RTN1: variants seen among roughly 807,000 people sequenced by gnomAD.
The protein encoded by RTN1 is reticulon 1.
In RTN1, 25 loss-of-function variants were observed where a neutral mutation model predicts 65.5. That is an observed-to-expected ratio of 0.38 (90% CI 0.28 to 0.53). RTN1 has a LOEUF of 0.53. RTN1 is among the 20% of genes least tolerant of loss of function. The pLI is 0.79. For missense variants in RTN1, 983 were observed against 1,025.4 expected, an observed-to-expected ratio of 0.96 and a Z score of 0.57; for synonymous variants, 471 against 447.6, an observed-to-expected ratio of 1.05 and a Z score of -0.66.
rs534636343 is a variant in RTN1 at position 59,616,709 on chromosome 14, G to T, written c.1766-9217C>A. Among the ~76,000 whole-genome samples, 17 of 152,296 alleles carry T rather than the reference G, an allele frequency of 1.1e-4. No homozygotes were observed. In the East Asian group the frequency reaches 1.9e-3, roughly 17 times the overall value. On this transcript the variant is annotated intron_variant, in intron 3 of 8. Coordinates refer to ENST00000267484, the MANE Select transcript of RTN1 (RefSeq NM_021136.3). ...TGGCTATAGCCTTTTGTCATCCACA[G>T]ACATTTTGTCTTGCTTTGGTCCTTT...
intron 1 of RTN1, among the ~76,000 whole-genome samples, chr14:59,837,919 T>C (rs977201778): frequency 6.6e-5 from 10 of 152,050 alleles, no homozygotes; most frequent in Admixed American, 3.9e-4. Context: ...TTGCCTTGAT[T>C]TGGGGGGTTT....
chr14:59,802,133 A>G (rs956634710), intron 1 of RTN1, among the ~76,000 whole-genome samples: 1 of 152,198 alleles, frequency 6.6e-6, no homozygotes, highest in Non-Finnish European at 1.5e-5. Flanking sequence ...GTGTAAAATG[A>G]GCTAATTTTT....
At chr14:59,775,939 C>T (rs2139567301) in intron 1 of RTN1, among the ~76,000 whole-genome samples, 1 of 152,150 alleles carries the variant, frequency 6.6e-6, no homozygotes, top group South Asian at 2.1e-4. Flanking sequence ...TTAAGGGCAG[C>T]AGAGATCAAT....
chr14:59,763,858 G>C (rs987511609), intron 1 of RTN1, among the ~76,000 whole-genome samples: 12 of 152,034 alleles, frequency 7.9e-5, no homozygotes, highest in African/African-American at 2.9e-4. Context: ...TTAATCAACT[G>C]TACATTCTAA....
chr14:59,672,804 C>T lies in RTN1; in HGVS notation c.1765+54115G>A, dbSNP rs564881870. On this transcript the variant is annotated intron_variant, in intron 3 of 8. Transcript: ENST00000267484. ...TACAGGCGCCCGCCACCGCGCCTGG[C>T]TAATTTTTTGTATTTTTAGTAGAGA... Among the ~76,000 whole-genome samples the T allele has an allele frequency of 6.6e-3, 991 of 149,840 alleles. 16 individuals carry two copies. Among genetic ancestry groups the T allele is most frequent in the African/African-American group, 0.022 (890 of 40,740 alleles).
chr14:59,672,831 G>A (rs1234569954), intron 3 of RTN1, among the ~76,000 whole-genome samples: 7 of 149,648 alleles, frequency 4.7e-5, no homozygotes, highest in Admixed American at 1.3e-4. Context: ...TAGTAGAGAC[G>A]GGGTTTCACC....
intron 3 of RTN1, among the ~76,000 whole-genome samples, chr14:59,687,480 C>T (rs559641013): frequency 3.3e-5 from 5 of 150,772 alleles, no homozygotes; most frequent in Non-Finnish European, 5.9e-5. Context: ...AGCACCTGCT[C>T]CCAAAGACTA....
chr14:59,715,900 T>G (rs1566695985), intron 3 of RTN1, among the ~76,000 whole-genome samples: 1 of 152,082 alleles, frequency 6.6e-6, no homozygotes, highest in Non-Finnish European at 1.5e-5. Flanking sequence ...AATTAGACTA[T>G]TTTACTTATA....
chr14:59,726,779 C>T (rs1884770047), intron 3 of RTN1, 140 bp downstream of exon 3: 3 of 729,636 alleles, frequency 4.1e-6, no homozygotes, highest in Non-Finnish European at 6.7e-6. Context: ...CTCCTCCCAT[C>T]CCCCCTGGAA....
chr14:59,726,571 G>C (rs2139476785), intron 3 of RTN1, among the ~76,000 whole-genome samples: 1 of 152,290 alleles, frequency 6.6e-6, no homozygotes, highest in East Asian at 1.9e-4. Context: ...ACAATAACAA[G>C]AAAAGCATCG....
chr14:59,614,678 G>A (rs1055679661), intron 3 of RTN1, among the ~76,000 whole-genome samples: 5 of 152,106 alleles, frequency 3.3e-5, no homozygotes, highest in Non-Finnish European at 5.9e-5. Flanking sequence ...AAAATTGTTC[G>A]ATTTACCTAC....
At chr14:59,799,592 T>C (rs1487088371) in intron 1 of RTN1, among the ~76,000 whole-genome samples, 2 of 152,204 alleles carry the variant, frequency 1.3e-5, no homozygotes, top group African/African-American at 4.8e-5. Context: ...AATTTTAGAA[T>C]AACTGGGTAC....
intron 1 of RTN1, among the ~76,000 whole-genome samples, chr14:59,845,431 C>T (rs927688973): frequency 1.3e-5 from 2 of 152,106 alleles, no homozygotes; most frequent in African/African-American, 4.8e-5. Context: ...TCTCCAAGTT[C>T]TAATCACTGT....
At chr14:59,733,629 T>A (rs1040591642) in intron 2 of RTN1, among the ~76,000 whole-genome samples, 1 of 152,062 alleles carries the variant, frequency 6.6e-6, no homozygotes, top group Non-Finnish European at 1.5e-5. Flanking sequence ...CACAGCTATT[T>A]TGTTGAGGCA....
At chr14:59,630,593 C>G in intron 3 of RTN1, 1 of 1,592,744 alleles carries the variant, frequency 6.3e-7, no homozygotes, top group Non-Finnish European at 8.5e-7. Flanking sequence ...TGCGGCTGGG[C>G]TCGCAGTGGC....
intron 3 of RTN1, among the ~76,000 whole-genome samples, chr14:59,673,466 C>A (rs1298406579): frequency 6.6e-6 from 1 of 152,154 alleles, no homozygotes; most frequent in Non-Finnish European, 1.5e-5. Context: ...CTGCACACAC[C>A]AGAGAGTGAG....
intron 3 of RTN1, among the ~76,000 whole-genome samples, chr14:59,657,981 C>G (rs1883158470): frequency 6.6e-6 from 1 of 152,214 alleles, no homozygotes; most frequent in Non-Finnish European, 1.5e-5. Flanking sequence ...GCCCAGCAAG[C>G]TAAGATTTCC....
At chr14:59,750,086 C>G (rs1182319522) in intron 1 of RTN1, among the ~76,000 whole-genome samples, 3 of 70,800 alleles carry the variant, frequency 4.2e-5, no homozygotes, top group Non-Finnish European at 6.9e-5. Context: ...ATATTATAGA[C>G]ATATATATTA....
chr14:59,835,731 G>T (rs12433741), intron 1 of RTN1, among the ~76,000 whole-genome samples: 16 of 151,908 alleles, frequency 1.1e-4, no homozygotes, highest in African/African-American at 3.4e-4. Context: ...ATTATGTTAA[G>T]GCTGTGATTA....
Sources: allele counts gnomAD v4.1 joint callset (sites outside exome capture counted in the v4.1 genomes callset), GRCh38; gene constraint gnomAD v4.1.1; transcripts MANE v1.5; gene names NCBI Gene and HGNC (gene_info 2026-07-23, HGNC 2026-07-21).